The following MYT1L variants were observed in gnomAD, a reference collection of about 807,000 sequenced individuals.
The protein encoded by MYT1L is myelin transcription factor 1 like.
MYT1L carries 12 observed loss-of-function variants against 126.7 expected under a neutral mutation model. The ratio of observed to expected loss-of-function variants is 0.09; its 90% CI spans 0.06 to 0.15. The LOEUF (loss-of-function observed/expected upper bound fraction) is 0.15. MYT1L is among the 10% of genes least tolerant of loss of function. The pLI is 1.00. For synonymous variants in MYT1L, 541 were observed against 604.2 expected (o/e 0.90, Z 1.53); for missense variants, 979 against 1,585.2 (o/e 0.62, Z 6.49).
In MYT1L at chr2:1,917,076, T is replaced by C; in HGVS notation, c.1618+129A>G. 8.2e-7 allele frequency: 1 copy of C among 1,217,886 alleles called. No homozygotes were observed. The highest frequency in any genetic ancestry group is 1.5e-5 in the African/African-American group (1 of 66,572). The allele number at this position is 1,217,886 out of a possible 1,614,324, so 75.4% of individuals were successfully genotyped here. ...ATCCTGGATCAGTTGCCCATCAAGT[T>C]AAGTAGGGGCCTAGTTAAATCAGGT... On this transcript the variant is annotated intron_variant, in intron 11 of 24. Coordinates refer to ENST00000647738, the MANE Select transcript of MYT1L (RefSeq NM_001303052.2). The surrounding 1 kb of genome is among the most constrained non-coding windows in gnomAD (Gnocchi z 5.9).
rs2056936434 is a variant in MYT1L, at chr2:1,943,886, G to C, written c.153-552C>G. ...ACCTCCTGAAACAAGATGAGCCCTAGGGCTTGTCAATGTTGTATGAAAGCA... is the reference window on the plus strand; with the variant it reads ...ACCTCCTGAAACAAGATGAGCCCTACGGCTTGTCAATGTTGTATGAAAGCA... On this transcript the variant is annotated intron_variant, in intron 8 of 24. Transcript: ENST00000647738. This position sits in a 1 kb window ranked among gnomAD's most constrained non-coding sequence, Gnocchi z 4.4. Among the ~76,000 whole-genome samples, 1 of 152,086 alleles carries C rather than the reference G, an allele frequency of 6.6e-6. No individual in the cohort carries two copies. Among genetic ancestry groups the C allele is most frequent in the South Asian group, 2.1e-4 (1 of 4,818 alleles).
intron 5 of MYT1L, among the ~76,000 whole-genome samples, chr2:1,989,605 C>T (rs1423706099): frequency 6.6e-6 from 1 of 152,160 alleles, no homozygotes; most frequent in Non-Finnish European, 1.5e-5. Flanking sequence ...GTCACAGATG[C>T]TCTACGCAGG....
In MYT1L at chr2:1,979,578, A is replaced by C. The variant is rs2060445525; in HGVS notation, c.56-24T>G. 1 of 1,612,568 alleles carries C rather than the reference A, an allele frequency of 6.2e-7. No homozygotes were observed. Among genetic ancestry groups the C allele is most frequent in the South Asian group, 1.1e-5 (1 of 91,054 alleles). ...AACTGCAGAGAGATGGAAATAGATA[A>C]AAATTTACCATCTATCACAAGCGAC... On this transcript the variant is annotated intron_variant, in intron 6 of 24. Coordinates refer to ENST00000647738, the MANE Select transcript of MYT1L (RefSeq NM_001303052.2). The surrounding 1 kb of genome is among the most constrained non-coding windows in gnomAD (Gnocchi z 4.0).
At chr2:1,868,680 C>G (rs186222587) in intron 18 of MYT1L, among the ~76,000 whole-genome samples, 4 of 152,346 alleles carry the variant, frequency 2.6e-5, no homozygotes, top group Admixed American at 6.5e-5. Context: ...CCCCCCTTCT[C>G]TGGCACTCGT....
intron 21 of MYT1L, among the ~76,000 whole-genome samples, chr2:1,822,319 A>G (rs1294595070): frequency 5.3e-5 from 8 of 152,218 alleles, no homozygotes. Context: ...GTGGAGATAT[A>G]TGTGATTTCA....
chr2:2,181,014 G>A (rs111162162), intron 2 of MYT1L, among the ~76,000 whole-genome samples: 9,630 of 140,106 alleles, frequency 0.069, 686 homozygotes, highest in East Asian at 0.081. Flanking sequence ...ACCTGTGTGT[G>A]CACCTGTATC....
intron 4 of MYT1L, among the ~76,000 whole-genome samples, chr2:2,001,469 C>T (rs2149652437): frequency 6.6e-6 from 1 of 152,214 alleles, no homozygotes; most frequent in East Asian, 1.9e-4. Context: ...ATATCTCACA[C>T]AAGGTACATT....
rs937290473 is a variant in MYT1L at position 2,156,737 on chromosome 2, C to T, written c.-304+16135G>A. Among the ~76,000 whole-genome samples the T allele has an allele frequency of 2.0e-5, 3 of 152,266 alleles. No homozygotes were observed. The South Asian group carries it at 6.2e-4, about 32-fold the overall frequency. Reference sequence around the variant, plus strand: ...TCAGACTACACTATTGGGGCAATGGCCTCCGGGGCCCCAGGGACACCTGAC... The same window carrying T: ...TCAGACTACACTATTGGGGCAATGGTCTCCGGGGCCCCAGGGACACCTGAC... On this transcript the variant is annotated intron_variant, in intron 3 of 24. Transcript: ENST00000647738.
chr2:1,989,619 G>C (rs1341064209), intron 5 of MYT1L, among the ~76,000 whole-genome samples: 2 of 152,154 alleles, frequency 1.3e-5, no homozygotes, highest in African/African-American at 4.8e-5. Context: ...ACGCAGGAAA[G>C]AAAATGAGTA....
chr2:1,990,954 C>T (rs113513870), intron 5 of MYT1L, among the ~76,000 whole-genome samples: 2,395 of 152,280 alleles, frequency 0.016, 55 homozygotes, highest in African/African-American at 0.053. Flanking sequence ...GTCCTCCTGC[C>T]GTGCCAGCTT....
At chr2:2,218,903 C>T (rs1482311310) in intron 2 of MYT1L, among the ~76,000 whole-genome samples, 29 of 152,112 alleles carry the variant, frequency 1.9e-4, no homozygotes, top group Admixed American at 1.9e-3. Flanking sequence ...CTCATGTTAC[C>T]AACACTGCTG....
chr2:2,103,176 A>AAAAATATTC (rs1262995651), intron 3 of MYT1L, among the ~76,000 whole-genome samples: 3 of 152,200 alleles, frequency 2.0e-5, no homozygotes. Context: ...GTGGGTAAAA[A>AAAAATATTC]AAAATATTCA....
intron 3 of MYT1L, among the ~76,000 whole-genome samples, chr2:2,138,946 T>C (rs1247123481): frequency 6.6e-6 from 1 of 151,904 alleles, no homozygotes; most frequent in African/African-American, 2.4e-5. Flanking sequence ...GGCAGGCCAC[T>C]TGCCATGCCA....
chr2:2,099,344 G>A (rs200702221), intron 3 of MYT1L, among the ~76,000 whole-genome samples: 1 of 144,442 alleles, frequency 6.9e-6, no homozygotes, highest in Non-Finnish European at 1.5e-5. Context: ...AATGTCATTT[G>A]TTTTTTTTTT....
chr2:2,210,417 T>A (rs192138277), intron 2 of MYT1L, among the ~76,000 whole-genome samples: 1 of 152,350 alleles, frequency 6.6e-6, no homozygotes. Flanking sequence ...TTAATTTGAT[T>A]TTTGTATAAA....
At chr2:1,825,265 T>A (rs2039145280) in intron 21 of MYT1L, 1 of 152,158 alleles carries the variant, frequency 6.6e-6, no homozygotes, top group South Asian at 2.1e-4. Context: ...AGCTGCCACC[T>A]GCCCCAAAGG....
chr2:2,217,800 T>C (rs2093735214), intron 2 of MYT1L, among the ~76,000 whole-genome samples: 2 of 150,362 alleles, frequency 1.3e-5, no homozygotes, highest in Admixed American at 1.3e-4. Context: ...CTATCCAACA[T>C]CCATTTCTGA....
chr2:1,903,897 G>A (rs963719237), intron 13 of MYT1L, among the ~76,000 whole-genome samples: 1 of 152,206 alleles, frequency 6.6e-6, no homozygotes, highest in Non-Finnish European at 1.5e-5. Flanking sequence ...GAAGGACACT[G>A]GGTCATTGCT....
intron 19 of MYT1L, among the ~76,000 whole-genome samples, chr2:1,845,867 A>G (rs2042425583): frequency 3.3e-5 from 5 of 152,212 alleles, no homozygotes; most frequent in Admixed American, 2.6e-4. Context: ...TGTTGGTGTT[A>G]TAAGACGTTC....
Sources: allele counts gnomAD v4.1 joint callset (sites outside exome capture counted in the v4.1 genomes callset), GRCh38; gene constraint gnomAD v4.1.1; non-coding constraint Gnocchi (gnomAD v3.1); transcripts MANE v1.5; gene names NCBI Gene and HGNC (gene_info 2026-07-23, HGNC 2026-07-21).